The following TBC1D4 variants were observed in gnomAD, a reference collection of about 807,000 sequenced individuals.
TBC1D4 encodes the protein TBC (Tre-2, BUB2, CDC16) domain-containing protein.
A neutral mutation model predicts 142.5 loss-of-function variants in TBC1D4; 121 were observed. That is an observed-to-expected ratio of 0.85 (90% CI 0.73 to 0.99). TBC1D4 has a LOEUF of 0.99. Ranked by LOEUF, TBC1D4 falls within the 50% of genes least tolerant of loss-of-function variation. TBC1D4 has a pLI of 0.00. For missense variants in TBC1D4, 1,475 were observed against 1,606.6 expected (o/e 0.92, Z 1.40); for synonymous variants, 630 against 628.2 (o/e 1.00, Z -0.04).
chr13:75,367,334 A>G (rs922302522), intron 1 of TBC1D4, among the ~76,000 whole-genome samples: 19 of 152,332 alleles, frequency 1.2e-4, no homozygotes, highest in Admixed American at 1.2e-3. Flanking sequence ...CGGTTCACTG[A>G]TAACAGATGA....
intron 1 of TBC1D4, among the ~76,000 whole-genome samples, chr13:75,398,722 T>G (rs1023680570): frequency 6.6e-6 from 1 of 152,166 alleles, no homozygotes; most frequent in African/African-American, 2.4e-5. Context: ...CAAAAGATTT[T>G]TACAGTATAA....
intron 1 of TBC1D4, among the ~76,000 whole-genome samples, chr13:75,451,097 C>T (rs796429107): frequency 1.3e-5 from 2 of 152,062 alleles, no homozygotes; most frequent in Admixed American, 6.6e-5. Context: ...ATTTCTTTAC[C>T]GTATTTGCAT....
intron 2 of TBC1D4, among the ~76,000 whole-genome samples, 188 bp downstream of exon 2, chr13:75,361,838 C>T (rs773252200): frequency 4.6e-5 from 7 of 152,158 alleles, no homozygotes; most frequent in Non-Finnish European, 7.3e-5. Flanking sequence ...CACTCCACGT[C>T]TGCCTCTCCC....
At chr13:75,391,754 C>T (rs150729268) in intron 1 of TBC1D4, among the ~76,000 whole-genome samples, 237 of 152,258 alleles carry the variant, frequency 1.6e-3, no homozygotes, top group Admixed American at 2.8e-3. Flanking sequence ...CATCTGATGC[C>T]CTACTCCCTC....
intron 1 of TBC1D4, among the ~76,000 whole-genome samples, chr13:75,480,975 G>T (rs1239835401): frequency 2.0e-5 from 3 of 152,136 alleles, no homozygotes; most frequent in Non-Finnish European, 4.4e-5. Flanking sequence ...TCCTCCACGC[G>T]TGCTCCTTGG....
At chr13:75,480,314 T>G (rs1888784417) in intron 1 of TBC1D4, among the ~76,000 whole-genome samples, 1 of 152,342 alleles carries the variant, frequency 6.6e-6, no homozygotes, top group Admixed American at 6.5e-5. Flanking sequence ...CCTAAAGTAC[T>G]GTGCAAACAG....
intron 1 of TBC1D4, among the ~76,000 whole-genome samples, chr13:75,364,849 G>A (rs1005895803): frequency 2.6e-5 from 4 of 152,140 alleles, no homozygotes; most frequent in Admixed American, 1.3e-4. Context: ...TACAGAGTAC[G>A]GAATCAGAAA....
intron 1 of TBC1D4, among the ~76,000 whole-genome samples, chr13:75,390,962 T>A (rs1407177711): frequency 6.6e-6 from 1 of 151,606 alleles, no homozygotes; most frequent in Non-Finnish European, 1.5e-5. Context: ...CACATCTAAC[T>A]GTGCTTACAC....
At chr13:75,433,587 G>A (rs1004041069) in intron 1 of TBC1D4, among the ~76,000 whole-genome samples, 4 of 152,120 alleles carry the variant, frequency 2.6e-5, no homozygotes, top group South Asian at 2.1e-4. Context: ...TGCAAGAGAG[G>A]CAGCCCTTTC....
intron 1 of TBC1D4, among the ~76,000 whole-genome samples, chr13:75,388,132 G>A (rs1392167355): frequency 2.0e-5 from 3 of 152,118 alleles, no homozygotes; most frequent in Non-Finnish European, 4.4e-5. Context: ...ACATCTCTCT[G>A]ACCCATCTTC....
intron 14 of TBC1D4, among the ~76,000 whole-genome samples, 155 bp from the exon 15 acceptor site, chr13:75,306,626 G>A (rs1346440804): frequency 6.6e-6 from 1 of 152,124 alleles, no homozygotes. Context: ...GAGGATACAT[G>A]AAAGGGTCCC....
intron 1 of TBC1D4, among the ~76,000 whole-genome samples, chr13:75,399,434 C>T (rs1374577254): frequency 6.6e-6 from 1 of 152,118 alleles, no homozygotes; most frequent in Admixed American, 6.6e-5. Flanking sequence ...TTATATCATC[C>T]CCATATTCCT....
At chr13:75,410,071 A>T (rs1885558918) in intron 1 of TBC1D4, among the ~76,000 whole-genome samples, 1 of 152,354 alleles carries the variant, frequency 6.6e-6, no homozygotes, top group Non-Finnish European at 1.5e-5. Flanking sequence ...TAAACAAAAT[A>T]ACAGCACTCT....
intron 15 of TBC1D4, among the ~76,000 whole-genome samples, chr13:75,305,323 C>T (rs1017388445): frequency 1.3e-5 from 2 of 152,188 alleles, no homozygotes; most frequent in Non-Finnish European, 2.9e-5. Context: ...AGGCCTTGGG[C>T]ACAGGGCCAA....
In TBC1D4 at chr13:75,302,421, T is replaced by C; in HGVS notation, c.2753-20A>G. 6.2e-7 allele frequency: 1 copy of C among 1,613,992 alleles called. No individual in the cohort carries two copies. On this transcript the variant is annotated intron_variant, in intron 15 of 20. Transcript: ENST00000377636. ...GAACTCCTACAATGAAGGAGATAAATAACCAAGGCCTTGAACTCTGGAATG... is the reference window on the plus strand; with the variant it reads ...GAACTCCTACAATGAAGGAGATAAACAACCAAGGCCTTGAACTCTGGAATG...
chr13:75,444,099 G>A (rs759927398), intron 1 of TBC1D4, among the ~76,000 whole-genome samples: 4 of 152,076 alleles, frequency 2.6e-5, no homozygotes, highest in African/African-American at 9.7e-5. Flanking sequence ...GTGGAAAAAT[G>A]TAGCTGTAAG....
intron 1 of TBC1D4, among the ~76,000 whole-genome samples, chr13:75,365,430 A>C (rs923527012): frequency 9.9e-5 from 15 of 152,014 alleles, no homozygotes; most frequent in Admixed American, 4.6e-4. Flanking sequence ...CAGAAGGGGC[A>C]CACTGCTCAT....
rs1566523034 is a variant in TBC1D4, at chr13:75,481,456, G to C, written c.312C>G (p.Gly104=). The change falls in exon 1 of 21, where the codon GGC becomes GGG. Residue 104 remains glycine, a synonymous_variant. Transcript: ENST00000377636. ...VPAPGAGASG[G]TSPSATQPNP... ...TGGGCTGCGTGGCCGACGGACTAGTGCCCCCCGAGGCCCCAGCGCCCGGCG... is the reference window on the plus strand; with the variant it reads ...TGGGCTGCGTGGCCGACGGACTAGTCCCCCCCGAGGCCCCAGCGCCCGGCG... The C allele has an allele frequency of 6.2e-7, 1 of 1,613,682 alleles. No homozygotes were observed. The highest frequency in any genetic ancestry group is 2.2e-5 in the East Asian group (1 of 44,842).
At chr13:75,393,576 T>C (rs1884608009) in intron 1 of TBC1D4, among the ~76,000 whole-genome samples, 1 of 152,028 alleles carries the variant, frequency 6.6e-6, no homozygotes, top group Admixed American at 6.6e-5. Context: ...CGGTTTAGAG[T>C]TACCCAGACC....
Sources: gnomAD v4.1 joint callset for allele counts (sites outside exome capture counted in the v4.1 genomes callset) on GRCh38, gnomAD v4.1.1 for gene constraint, MANE v1.5 for transcripts, NCBI Gene and HGNC (gene_info 2026-07-23, HGNC 2026-07-21) for gene names.